CDHR3: variants seen among roughly 807,000 people sequenced by gnomAD.
CDHR3 encodes cadherin-related family member 3.
A neutral mutation model predicts 86.6 loss-of-function variants in CDHR3; 79 were observed. The observed-to-expected ratio is 0.91, with a 90% confidence interval of 0.76 to 1.10. The LOEUF (loss-of-function observed/expected upper bound fraction) is 1.10. Ranked by LOEUF, CDHR3 falls within the 50% of genes least tolerant of loss-of-function variation. CDHR3 has a pLI of 0.00. For missense variants in CDHR3, 1,081 were observed against 1,077.6 expected, an observed-to-expected ratio of 1.00 and a Z score of -0.04; for synonymous variants, 421 against 402.4, an observed-to-expected ratio of 1.05 and a Z score of -0.55.
intron 2 of CDHR3, among the ~76,000 whole-genome samples, chr7:105,977,335 TTTC>T (rs1828982672): frequency 6.6e-6 from 1 of 152,238 alleles, no homozygotes; most frequent in African/African-American, 2.4e-5. Flanking sequence ...CTCTCAACTC[TTTC>T]TTCAAGGGAC....
rs527885384 is a variant in CDHR3 at position 105,987,241 on chromosome 7, G to A, written c.513+2952G>A. Among the ~76,000 whole-genome samples, 4 of 152,262 alleles carry A rather than the reference G, an allele frequency of 2.6e-5. No homozygotes were observed. The East Asian group carries it at 5.8e-4, about 22-fold the overall frequency. ...TCAAAAGCATTCTGAGAGCAGCTGCGGGGGCTTGTGGCTTCTGCAGTGAGT... is the reference window on the plus strand; with the variant it reads ...TCAAAAGCATTCTGAGAGCAGCTGCAGGGGCTTGTGGCTTCTGCAGTGAGT... On this transcript the variant is annotated intron_variant, in intron 4 of 18. Coordinates refer to ENST00000317716, the MANE Select transcript of CDHR3 (RefSeq NM_152750.5).
chr7:106,015,815 C>T (rs1835527231), intron 10 of CDHR3, 112 bp from the exon 11 acceptor site: 4 of 800,246 alleles, frequency 5.0e-6, no homozygotes, highest in East Asian at 2.7e-5. Context: ...TCTTAGCCAC[C>T]TGGTATCCCC....
intron 1 of CDHR3, among the ~76,000 whole-genome samples, chr7:105,971,710 A>C (rs994953133): frequency 6.6e-6 from 1 of 152,150 alleles, no homozygotes. Flanking sequence ...CAGCTCCCCA[A>C]AGGAGCTGCA....
intron 3 of CDHR3, 135 bp from the exon 4 acceptor site, chr7:105,984,057 T>G: frequency 2.1e-6 from 1 of 486,088 alleles, no homozygotes; most frequent in East Asian, 3.2e-5. Context: ...TGCTCATGGA[T>G]TTTTTTATTG....
At chr7:106,031,542 T>A (rs2115934166) in intron 18 of CDHR3, among the ~76,000 whole-genome samples, 1 of 152,362 alleles carries the variant, frequency 6.6e-6, no homozygotes, top group Non-Finnish European at 1.5e-5. Flanking sequence ...CTAAGGAGGA[T>A]GGCTCCTCTC....
chr7:105,984,653 A>G (rs1001868556), intron 4 of CDHR3, among the ~76,000 whole-genome samples: 4 of 151,932 alleles, frequency 2.6e-5, no homozygotes, highest in African/African-American at 7.3e-5. Flanking sequence ...AAACTGCTCA[A>G]TATTTTAAAA....
chr7:105,970,979 A>C (rs1464159253), intron 1 of CDHR3, among the ~76,000 whole-genome samples: 1 of 152,000 alleles, frequency 6.6e-6, no homozygotes, highest in Admixed American at 6.6e-5. Context: ...GTCTCTACTA[A>C]AAATACAAAA....
Position 106,015,209 on chromosome 7 carries a change from T to C in CDHR3, c.1323T>C (p.Tyr441=), listed in dbSNP as rs368743620. Residue 441 remains tyrosine, a synonymous_variant, in exon 10 of 19, where the codon TAT becomes TAC. Transcript: ENST00000317716. The stretch of plus-strand genomic sequence containing the variant: ...TGCAGGATGTGGCCCCCCCTTACTA[T>C]AAAAGCAAGTATCATTTTGTTTTAT... ...IQVQDVAPPY[Y]KNNVYVYILT... 2 of 1,603,784 alleles carry C rather than the reference T, an allele frequency of 1.2e-6. No individual in the cohort carries two copies. Among genetic ancestry groups the C allele is most frequent in the African/African-American group, 2.7e-5 (2 of 74,664 alleles).
chr7:105,995,547 C>T (rs1335546968), intron 5 of CDHR3, among the ~76,000 whole-genome samples: 2 of 152,066 alleles, frequency 1.3e-5, no homozygotes, highest in Admixed American at 6.5e-5. Context: ...GTCAAGATGG[C>T]CTTGTCGAGC....
intron 17 of CDHR3, among the ~76,000 whole-genome samples, chr7:106,028,973 T>TTTCTTTC (rs1837891801): frequency 6.7e-6 from 1 of 150,372 alleles, no homozygotes; most frequent in Non-Finnish European, 1.5e-5. Flanking sequence ...TCTTTCTTTC[T>TTTCTTTC]TTCTTTCTTT....
chr7:106,022,108 A>T, intron 13 of CDHR3, 90 bp from the exon 14 acceptor site: 1 of 1,502,826 alleles, frequency 6.7e-7, no homozygotes, highest in Non-Finnish European at 9.1e-7. Context: ...GACATTTGAG[A>T]AAAAGATTGA....
chr7:106,025,815 G>A (rs1837266218), intron 15 of CDHR3, among the ~76,000 whole-genome samples: 1 of 152,102 alleles, frequency 6.6e-6, no homozygotes, highest in South Asian at 2.1e-4. Flanking sequence ...AAATCCTCGA[G>A]CATCTGCTGA....
At position 106,034,020 on chromosome 7, in the gene CDHR3, T is replaced by C. The variant is rs1304700985; in HGVS notation, c.*1323T>C. Among the ~76,000 whole-genome samples, 1 of 152,210 alleles carries C rather than the reference T, an allele frequency of 6.6e-6. No individual in the cohort carries two copies. The highest frequency in any genetic ancestry group is 1.5e-5 in the Non-Finnish European group (1 of 68,040). ...AATTACTATTGAAGTGAAATCACTT[T>C]TTCCTCAAAGCTGAAACACCATCAG... On this transcript the variant is annotated 3_prime_UTR_variant, in exon 19 of 19. Transcript: ENST00000317716.
At chr7:106,000,042 C>T (rs1016157789) in intron 6 of CDHR3, among the ~76,000 whole-genome samples, 1 of 152,370 alleles carries the variant, frequency 6.6e-6, no homozygotes, top group Middle Eastern at 3.4e-3. Context: ...GGGCCATATC[C>T]TTCCCTCCTG....
At chr7:105,983,004 T>A (rs900678165) in intron 3 of CDHR3, among the ~76,000 whole-genome samples, 3 of 132,214 alleles carry the variant, frequency 2.3e-5, no homozygotes, top group Non-Finnish European at 3.4e-5. Context: ...AAAAAAAAAA[T>A]CTTGACAAGT....
chr7:105,984,632 C>T (rs926893479), intron 4 of CDHR3, among the ~76,000 whole-genome samples: 1 of 151,962 alleles, frequency 6.6e-6, no homozygotes, highest in African/African-American at 2.4e-5. Context: ...AGTGCAGTGC[C>T]GGGTGTATCA....
chr7:106,035,341 G>A lies in CDHR3; in HGVS notation c.*2644G>A, dbSNP rs768208019. On this transcript the variant is annotated 3_prime_UTR_variant, in exon 19 of 19. Transcript: ENST00000317716. ...ACTCAAGAAATAGGGGCAAGAGTGC[G>A]CCAGGAGGAGAGAACACCTGCTGCC... Among the ~76,000 whole-genome samples, 16 of 152,152 alleles carry A rather than the reference G, an allele frequency of 1.1e-4. No individual in the cohort carries two copies. Among genetic ancestry groups the A allele is most frequent in the Non-Finnish European group, 1.9e-4 (13 of 68,020 alleles).
intron 4 of CDHR3, among the ~76,000 whole-genome samples, chr7:105,984,604 A>G (rs550968080): frequency 6.6e-6 from 1 of 152,338 alleles, no homozygotes; most frequent in South Asian, 2.1e-4. Context: ...TACATAGACA[A>G]TGCATGTAAA....
intron 8 of CDHR3, among the ~76,000 whole-genome samples, chr7:106,009,377 T>G (rs1379361705): frequency 6.6e-6 from 1 of 152,190 alleles, no homozygotes; most frequent in Non-Finnish European, 1.5e-5. Flanking sequence ...AGCCCTGACC[T>G]GCAGCACCCG....
Sources: gnomAD v4.1 joint callset for allele counts (sites outside exome capture counted in the v4.1 genomes callset) on GRCh38, gnomAD v4.1.1 for gene constraint, MANE v1.5 for transcripts, NCBI Gene and HGNC (gene_info 2026-07-23, HGNC 2026-07-21) for gene names.